TRPC4AP: variants seen among roughly 807,000 people sequenced by gnomAD.
The protein encoded by TRPC4AP is short transient receptor potential channel 4-associated protein.
A neutral mutation model predicts 99.0 loss-of-function variants in TRPC4AP; 45 were observed. The ratio of observed to expected loss-of-function variants is 0.45; its 90% CI spans 0.36 to 0.58. The LOEUF (loss-of-function observed/expected upper bound fraction) is 0.58, where lower values mean the gene tolerates loss of function less well. TRPC4AP is among the 20% of genes least tolerant of loss of function. The pLI, the probability that TRPC4AP is intolerant of heterozygous loss-of-function variation, is 0.00. For synonymous variants in TRPC4AP, 408 were observed against 385.8 expected, an observed-to-expected ratio of 1.06 and a Z score of -0.67; for missense variants, 879 against 985.3, an observed-to-expected ratio of 0.89 and a Z score of 1.44.
At chr20:35,040,210 G>A (rs1397355814) in intron 7 of TRPC4AP, among the ~76,000 whole-genome samples, 2 of 152,030 alleles carry the variant, frequency 1.3e-5, no homozygotes, top group Non-Finnish European at 2.9e-5. Flanking sequence ...ACTGGACTAT[G>A]GGATGCCTAC....
rs750644600 is a variant in TRPC4AP, at chr20:35,005,683, C to A, written c.1936+12G>T. 6 of 1,612,680 alleles carry A rather than the reference C, an allele frequency of 3.7e-6. No individual in the cohort carries two copies. In the East Asian group the frequency reaches 8.9e-5, roughly 24 times the overall value. The stretch of plus-strand genomic sequence containing the variant: ...CTGCATGACTTGCCTTGACAGCCTG[C>A]CTTTCATGTACCTTTCATATCCACC... On this transcript the variant is annotated intron_variant, in intron 16 of 18. Coordinates refer to ENST00000252015, the MANE Select transcript of TRPC4AP (RefSeq NM_015638.3).
chr20:35,046,183 A>G (rs1048763118), intron 6 of TRPC4AP, among the ~76,000 whole-genome samples: 11 of 152,196 alleles, frequency 7.2e-5, no homozygotes, highest in Admixed American at 5.9e-4. Flanking sequence ...TTAATATCCT[A>G]TAAGTTAAAT....
intron 2 of TRPC4AP, among the ~76,000 whole-genome samples, chr20:35,077,491 A>G (rs2084512730): frequency 6.6e-6 from 1 of 152,126 alleles, no homozygotes; most frequent in Non-Finnish European, 1.5e-5. Context: ...CTCCAGCCCT[A>G]CTGAATCAGA....
At position 35,056,923 on chromosome 20, in the gene TRPC4AP, T is replaced by C. The variant is rs951031126; in HGVS notation, c.472+591A>G. The stretch of plus-strand genomic sequence containing the variant: ...ATCACTTGAGCTCAGGAGGCGGAGG[T>C]TGCAGTGAGCCAAGATCATGCCACT... On this transcript the variant is annotated intron_variant, in intron 4 of 18. Coordinates refer to ENST00000252015, the MANE Select transcript of TRPC4AP (RefSeq NM_015638.3). Among the ~76,000 whole-genome samples, 4 of 134,284 alleles carry C rather than the reference T, an allele frequency of 3.0e-5. No homozygotes were observed. The South Asian group carries it at 6.9e-4, about 23-fold the overall frequency. 88.1% of individuals were successfully genotyped at this position (134,284 alleles called of 152,430 possible).
chr20:35,067,323 C>CT (rs1000904405), intron 3 of TRPC4AP, among the ~76,000 whole-genome samples: 2 of 151,596 alleles, frequency 1.3e-5, no homozygotes, highest in African/African-American at 2.4e-5. Flanking sequence ...CATCTCAGTA[C>CT]TTTTTTTTTA....
chr20:35,051,644 C>A (rs6060181), intron 5 of TRPC4AP, among the ~76,000 whole-genome samples: 8 of 151,144 alleles, frequency 5.3e-5, no homozygotes, highest in African/African-American at 1.7e-4. Flanking sequence ...GGTTGTTATT[C>A]CCGAACTACA....
intron 8 of TRPC4AP, among the ~76,000 whole-genome samples, chr20:35,023,722 C>T (rs961867565): frequency 6.6e-6 from 1 of 152,234 alleles, no homozygotes; most frequent in African/African-American, 2.4e-5. Context: ...GCTGTGAGAC[C>T]TTGCGTGCTT....
intron 1 of TRPC4AP, among the ~76,000 whole-genome samples, chr20:35,080,533 C>CT (rs2084609142): frequency 2.6e-5 from 1 of 38,310 alleles, no homozygotes; most frequent in Admixed American, 4.3e-4. Flanking sequence ...GAGACTCCAT[C>CT]TAAAAAAAAA....
Position 35,024,830 on chromosome 20 carries a change from A to C in TRPC4AP, c.1052-3474T>G, listed in dbSNP as rs1282393707. On this transcript the variant is annotated intron_variant, in intron 8 of 18. Transcript: ENST00000252015. Reference sequence around the variant, plus strand: ...GTGACAGAGAGAGACCGTCTCAAAAAAAAAAAAAAAAAAAAAAAAAAAAAA... The same window carrying C: ...GTGACAGAGAGAGACCGTCTCAAAACAAAAAAAAAAAAAAAAAAAAAAAAA... Among the ~76,000 whole-genome samples, 69 of 74,588 alleles carry C rather than the reference A, an allele frequency of 9.3e-4. 8 individuals carry two copies. Among genetic ancestry groups the C allele is most frequent in the East Asian group, 2.2e-3 (5 of 2,312 alleles). The allele number at this position is 74,588 out of a possible 152,430, so 48.9% of individuals were successfully genotyped here.
Position 35,071,185 on chromosome 20 carries a change from G to A in TRPC4AP, c.298-1773C>T, listed in dbSNP as rs1199698945. Among the ~76,000 whole-genome samples the A allele has an allele frequency of 3.9e-5, 6 of 152,234 alleles. No individual in the cohort carries two copies. The East Asian group carries it at 1.2e-3, about 29-fold the overall frequency. ...ATTACATTTTAAAATAACTTACTAT[G>A]TGATATAATAATCAAAACTTCACCT... On this transcript the variant is annotated intron_variant, in intron 2 of 18. Transcript: ENST00000252015.
chr20:35,020,858 G>C (rs914225358), intron 9 of TRPC4AP, among the ~76,000 whole-genome samples: 1 of 152,056 alleles, frequency 6.6e-6, no homozygotes. Context: ...CCCACATCAG[G>C]TTGGCAACTC....
intron 17 of TRPC4AP, 36 bp downstream of exon 17, chr20:35,004,422 G>T: frequency 1.3e-6 from 2 of 1,572,572 alleles, no homozygotes; most frequent in South Asian, 1.1e-5. Context: ...GTTTCCAATC[G>T]ACCTTCCCTG....
intron 7 of TRPC4AP, among the ~76,000 whole-genome samples, chr20:35,036,792 A>C (rs1443825239): frequency 6.6e-6 from 1 of 152,092 alleles, no homozygotes; most frequent in Non-Finnish European, 1.5e-5. Context: ...CCAATAATAC[A>C]AAAATTAGCC....
intron 8 of TRPC4AP, among the ~76,000 whole-genome samples, chr20:35,024,726 G>A (rs1230272876): frequency 6.7e-6 from 1 of 150,354 alleles, no homozygotes; most frequent in African/African-American, 2.5e-5. Flanking sequence ...CTACTCGGGA[G>A]GCTGAGGTAG....
intron 1 of TRPC4AP, among the ~76,000 whole-genome samples, chr20:35,085,878 G>T (rs1052153337): frequency 6.6e-6 from 1 of 152,010 alleles, no homozygotes; most frequent in African/African-American, 2.4e-5. Context: ...ATAACTAAAG[G>T]CTAAATTCCA....
intron 1 of TRPC4AP, among the ~76,000 whole-genome samples, chr20:35,086,485 G>GTGTGTA (rs2084864537): frequency 4.0e-5 from 5 of 125,080 alleles, no homozygotes. Context: ...GTATGTGTGT[G>GTGTGTA]TATATATATA....
chr20:35,077,982 A>C (rs938961909), intron 2 of TRPC4AP, 64 bp downstream of exon 2: 6 of 1,488,628 alleles, frequency 4.0e-6, no homozygotes, highest in Non-Finnish European at 5.4e-6. Flanking sequence ...GAAAAAAAAA[A>C]CAGCAGACAT....
rs796355258 is a variant in TRPC4AP, at chr20:35,002,879, T to A, written c.*267A>T. 3 of 417,394 alleles carry A rather than the reference T, an allele frequency of 7.2e-6. No homozygotes were observed. Among genetic ancestry groups the A allele is most frequent in the Non-Finnish European group, 1.3e-5 (3 of 229,062 alleles). 25.9% of individuals were successfully genotyped at this position (417,394 alleles called of 1,614,324 possible). A position where few individuals can be genotyped will look rare whatever the true frequency, so the allele number is the denominator to read the frequency against. Reference sequence around the variant, plus strand: ...AGCTAATGCTAAATGTCCTCTTACCTCTGGGTGGCCCTGGGCCCCAGGGTT... The same window carrying A: ...AGCTAATGCTAAATGTCCTCTTACCACTGGGTGGCCCTGGGCCCCAGGGTT... On this transcript the variant is annotated 3_prime_UTR_variant, in exon 19 of 19. Coordinates refer to ENST00000252015, the MANE Select transcript of TRPC4AP (RefSeq NM_015638.3).
At position 35,086,523 on chromosome 20, in the gene TRPC4AP, ATATGTG is replaced by A. The variant is rs1227993660; in HGVS notation, c.168+6085_168+6090del. On this transcript the variant is annotated intron_variant, in intron 1 of 18. Coordinates refer to ENST00000252015, the MANE Select transcript of TRPC4AP (RefSeq NM_015638.3). The stretch of plus-strand genomic sequence containing the variant: ...TGTATATATATGTGTGTGTGTGTAT[ATATGTG>A]TGTGTGTGTGTGTGTGTGTGTGTGT... 7.3e-4 allele frequency among the ~76,000 whole-genome samples: 72 copies of A among 99,142 alleles called. 6 individuals carry two copies. The highest frequency in any genetic ancestry group is 2.8e-3 in the South Asian group (7 of 2,512). 65.0% of individuals were successfully genotyped at this position (99,142 alleles called of 152,430 possible).
Sources: allele counts gnomAD v4.1 joint callset (sites outside exome capture counted in the v4.1 genomes callset), GRCh38; gene constraint gnomAD v4.1.1; transcripts MANE v1.5; gene names NCBI Gene and HGNC (gene_info 2026-07-23, HGNC 2026-07-21).